WBP4: variants seen among roughly 807,000 people sequenced by gnomAD.
The protein encoded by WBP4 is WW domain binding protein 4.
A neutral mutation model predicts 55.4 loss-of-function variants in WBP4; 37 were observed. The observed-to-expected ratio is 0.67, with a 90% confidence interval of 0.51 to 0.88. The LOEUF (loss-of-function observed/expected upper bound fraction) is 0.88. Ranked by LOEUF, WBP4 falls within the 40% of genes least tolerant of loss-of-function variation. WBP4 has a pLI of 0.00. For missense variants in WBP4, 398 were observed against 420.8 expected, an observed-to-expected ratio of 0.95 and a Z score of 0.47; for synonymous variants, 142 against 140.2, an observed-to-expected ratio of 1.01 and a Z score of -0.09.
chr13:41,072,631 T>TA, intron 6 of WBP4, 151 bp from the exon 7 acceptor site: 1 of 635,970 alleles, frequency 1.6e-6, no homozygotes, highest in Non-Finnish European at 2.7e-6. Context: ...CTTGGAGGAT[T>TA]ACAAGTCTAC....
At chr13:41,062,096 G>GTTTGTTT in intron 1 of WBP4, 1 of 805,568 alleles carries the variant, frequency 1.2e-6, no homozygotes. Context: ...TAGCGTAATG[G>GTTTGTTT]TTTTTTTTTT....
intron 5 of WBP4, among the ~76,000 whole-genome samples, chr13:41,069,889 A>C (rs1566210297): frequency 6.6e-6 from 1 of 150,936 alleles, no homozygotes; most frequent in Non-Finnish European, 1.5e-5. Context: ...AAAAAAAAAA[A>C]AAAGAAAAAA....
intron 2 of WBP4, among the ~76,000 whole-genome samples, chr13:41,063,063 C>T (rs559429101): frequency 6.6e-6 from 1 of 152,198 alleles, no homozygotes; most frequent in South Asian, 2.1e-4. Context: ...ATAAAAGCAA[C>T]ATGTTTAGTT....
chr13:41,072,980 C>A, intron 7 of WBP4, 123 bp downstream of exon 7: 1 of 677,340 alleles, frequency 1.5e-6, no homozygotes, highest in Non-Finnish European at 2.4e-6. Flanking sequence ...GTGTAGTAAA[C>A]ATGAATTATT....
intron 6 of WBP4, among the ~76,000 whole-genome samples, 192 bp from the exon 7 acceptor site, chr13:41,072,590 G>C (rs1446058055): frequency 6.6e-6 from 1 of 152,206 alleles, no homozygotes; most frequent in African/African-American, 2.4e-5. Flanking sequence ...CCCCTGTGAT[G>C]CAGTCACCTC....
chr13:41,076,387 T>C, intron 8 of WBP4, 150 bp downstream of exon 8: 1 of 632,904 alleles, frequency 1.6e-6, no homozygotes, highest in Admixed American at 3.8e-5. Flanking sequence ...CAAGCAATTC[T>C]CCTGCCTCAG....
chr13:41,070,192 C>T (rs1460609961), intron 5 of WBP4, among the ~76,000 whole-genome samples: 3 of 151,864 alleles, frequency 2.0e-5, no homozygotes, highest in Non-Finnish European at 4.4e-5. Flanking sequence ...GAGAGATTAC[C>T]ATAGGAATTA....
chr13:41,078,709 C>T (rs1878612805), intron 8 of WBP4, among the ~76,000 whole-genome samples: 1 of 152,086 alleles, frequency 6.6e-6, no homozygotes, highest in Non-Finnish European at 1.5e-5. Context: ...TGCCTGTAAT[C>T]CCAGCTACTT....
intron 4 of WBP4, among the ~76,000 whole-genome samples, chr13:41,068,050 T>A (rs916372432): frequency 1.2e-4 from 19 of 152,146 alleles, no homozygotes; most frequent in Admixed American, 5.2e-4. Context: ...TTCCTTTTTT[T>A]AATATATATA....
At chr13:41,061,760 C>T (rs892255298) in intron 1 of WBP4, 85 bp downstream of exon 1, 66 of 1,597,346 alleles carry the variant, frequency 4.1e-5, no homozygotes, top group Middle Eastern at 4.2e-4. Context: ...TCCTCTCCTC[C>T]CGCCCTTCGG....
At position 41,082,791 on chromosome 13, in the gene WBP4, A is replaced by G. The variant is rs776362779; in HGVS notation, c.1008A>G (p.Val336=). 17 of 1,614,058 alleles carry G rather than the reference A, an allele frequency of 1.1e-5. No homozygotes were observed. The highest frequency in any genetic ancestry group is 1.4e-5 in the Non-Finnish European group (16 of 1,180,030). ...EADGGGEPKV[V]FKEKTVTSLG... ...ATGGTGGCGGAGAACCCAAAGTGGT[A>G]TTTAAAGAAAAAACAGTCACTTCTC... Residue 336 remains valine (V), a synonymous_variant, in exon 10 of 10, where the codon GTA becomes GTG. Coordinates refer to ENST00000379487, the MANE Select transcript of WBP4 (RefSeq NM_007187.5).
intron 9 of WBP4, 110 bp from the exon 10 acceptor site, chr13:41,082,594 C>T: frequency 1.1e-6 from 1 of 933,722 alleles, no homozygotes; most frequent in Non-Finnish European, 1.6e-6. Flanking sequence ...GTTCCTACTC[C>T]AAAATGAGCA....
intron 1 of WBP4, chr13:41,062,209 G>A (rs1325710120): frequency 4.1e-6 from 4 of 982,388 alleles, no homozygotes; most frequent in Non-Finnish European, 4.8e-6. Context: ...TGAGAGTCTG[G>A]GAGGAACTAC....
chr13:41,075,916 G>C, intron 7 of WBP4, 128 bp from the exon 8 acceptor site: 1 of 1,026,864 alleles, frequency 9.7e-7, no homozygotes, highest in Non-Finnish European at 1.4e-6. Context: ...TTATCTTCTT[G>C]ATCAAGAGAT....
At chr13:41,071,815 T>C (rs1034312176) in intron 6 of WBP4, among the ~76,000 whole-genome samples, 8 of 152,006 alleles carry the variant, frequency 5.3e-5, no homozygotes, top group Non-Finnish European at 2.9e-5. Flanking sequence ...GGCTGAGGCA[T>C]GTGGATCACA....
In WBP4 at chr13:41,068,755, A is replaced by G; in HGVS notation, c.439+18A>G. 6.5e-7 allele frequency: 1 copy of G among 1,545,510 alleles called. No individual in the cohort carries two copies. Reference sequence around the variant, plus strand: ...CTCAGGAGGTAAGTCATTTAGGCATAAAACTGGTAAAGAACAGTGTCACTA... The same window carrying G: ...CTCAGGAGGTAAGTCATTTAGGCATGAAACTGGTAAAGAACAGTGTCACTA... On this transcript the variant is annotated intron_variant, in intron 5 of 9. Transcript: ENST00000379487.
At chr13:41,081,219 C>T (rs1027656962) in intron 9 of WBP4, among the ~76,000 whole-genome samples, 62 of 151,824 alleles carry the variant, frequency 4.1e-4, no homozygotes, top group African/African-American at 1.4e-3. Context: ...TATAGCTTGG[C>T]TGGGTGAGGT....
intron 7 of WBP4, among the ~76,000 whole-genome samples, chr13:41,075,697 T>A (rs1027487912): frequency 4.6e-5 from 7 of 152,214 alleles, no homozygotes; most frequent in African/African-American, 1.7e-4. Flanking sequence ...AGGAAATCTC[T>A]GTGATAAGCA....
rs755090660 is a variant in WBP4 at position 41,071,591 on chromosome 13, A to T, written c.486+18A>T. Reference sequence around the variant, plus strand: ...TAAAAAAGGTAATTGAAGCATATTAATAGTGTTTTTGTTTTATTCTTTACA... The same window carrying T: ...TAAAAAAGGTAATTGAAGCATATTATTAGTGTTTTTGTTTTATTCTTTACA... On this transcript the variant is annotated intron_variant, in intron 6 of 9. Coordinates refer to ENST00000379487, the MANE Select transcript of WBP4 (RefSeq NM_007187.5). The T allele has an allele frequency of 6.3e-7, 1 of 1,597,850 alleles. No individual in the cohort carries two copies. Among genetic ancestry groups the T allele is most frequent in the Non-Finnish European group, 8.5e-7 (1 of 1,172,076 alleles).
Sources: gnomAD v4.1 joint callset for allele counts (sites outside exome capture counted in the v4.1 genomes callset) on GRCh38, gnomAD v4.1.1 for gene constraint, MANE v1.5 for transcripts, NCBI Gene and HGNC (gene_info 2026-07-23, HGNC 2026-07-21) for gene names.